Variants in TMX2 observed in about 807,000 individuals in gnomAD.
TMX2 encodes the protein thioredoxin-related transmembrane protein 2.
Under a neutral mutation model 33.4 loss-of-function variants are expected in TMX2, and 20 were observed. The observed-to-expected ratio is 0.60, with a 90% CI of 0.42 to 0.87. The LOEUF is 0.87. Ranked by LOEUF, TMX2 falls within the 40% of genes least tolerant of loss-of-function variation. The pLI, the probability that TMX2 is intolerant of heterozygous loss-of-function variation, is 0.00. For missense variants in TMX2, 340 were observed against 370.7 expected (o/e 0.92, Z 0.68); for synonymous variants, 166 against 140.7 (o/e 1.18, Z -1.27).
intron 1 of TMX2, among the ~76,000 whole-genome samples, chr11:57,728,193 C>T (rs978853932): frequency 2.6e-5 from 4 of 151,504 alleles, no homozygotes; most frequent in Admixed American, 2.0e-4. Flanking sequence ...GACGGAGTCT[C>T]GCTGTGTCGC....
chr11:57,738,501 C>T (rs768663737), intron 4 of TMX2, 71 bp downstream of exon 4: 5 of 1,314,012 alleles, frequency 3.8e-6, no homozygotes, highest in Admixed American at 1.7e-5. Flanking sequence ...TCTCCATTCA[C>T]TAGGAGGAAC....
chr11:57,717,947 G>A (rs1474896275), intron 1 of TMX2: 3 of 692,814 alleles, frequency 4.3e-6, no homozygotes, highest in Non-Finnish European at 7.7e-6. Flanking sequence ...AAGATTCTAG[G>A]ATACTGCGAG....
intron 1 of TMX2, among the ~76,000 whole-genome samples, chr11:57,719,864 C>A (rs1947470820): frequency 6.6e-6 from 1 of 152,028 alleles, no homozygotes; most frequent in Non-Finnish European, 1.5e-5. Flanking sequence ...CTTAAAATCT[C>A]TCCAAATTGG....
intron 1 of TMX2, among the ~76,000 whole-genome samples, chr11:57,717,192 G>A (rs1167459245): frequency 6.6e-6 from 1 of 151,696 alleles, no homozygotes; most frequent in Admixed American, 6.6e-5. Context: ...GATGGCGGCC[G>A]GGCAGAGACG....
chr11:57,727,054 A>G (rs1218180412), intron 1 of TMX2, among the ~76,000 whole-genome samples: 2 of 152,170 alleles, frequency 1.3e-5, no homozygotes, highest in South Asian at 2.1e-4. Flanking sequence ...ATTTGTTATT[A>G]TATTAGCATT....
At chr11:57,714,329 A>G (rs1946834302) in intron 1 of TMX2, among the ~76,000 whole-genome samples, 1 of 152,246 alleles carries the variant, frequency 6.6e-6, no homozygotes, top group South Asian at 2.1e-4. Flanking sequence ...GCCTCTGTAT[A>G]TGATGTAGGC....
intron 1 of TMX2, among the ~76,000 whole-genome samples, chr11:57,723,249 G>A (rs1250858077): frequency 2.6e-5 from 4 of 151,998 alleles, no homozygotes; most frequent in Non-Finnish European, 4.4e-5. Context: ...GGAGGCCAGG[G>A]CGGATGGATC....
In TMX2 at chr11:57,740,356, T is replaced by A; in HGVS notation, c.*111T>A. On this transcript the variant is annotated 3_prime_UTR_variant, in exon 8 of 8. Transcript: ENST00000278422. ...TGTTTTCCCTTTGGCTGTGACTGGG[T>A]GGGGCAGCATGCAGCTTCTGATTTT... The A allele has an allele frequency of 7.8e-7, 1 of 1,277,866 alleles. No homozygotes were observed. The highest frequency in any genetic ancestry group is 1.0e-6 in the Non-Finnish European group (1 of 960,312). The allele number at this position is 1,277,866 out of a possible 1,614,324, so 79.2% of individuals were successfully genotyped here. A position where few individuals can be genotyped will look rare whatever the true frequency, so the allele number is the denominator to read the frequency against.
At chr11:57,738,189 A>G in intron 3 of TMX2, 163 bp downstream of exon 3, 1 of 735,300 alleles carries the variant, frequency 1.4e-6, no homozygotes, top group East Asian at 2.5e-5. Context: ...TCAGATGATA[A>G]CAGTTTACAG....
chr11:57,737,017 A>C (rs956181877), intron 1 of TMX2, among the ~76,000 whole-genome samples: 4 of 152,226 alleles, frequency 2.6e-5, no homozygotes, highest in Non-Finnish European at 5.9e-5. Flanking sequence ...TTACGATTTT[A>C]TACCATATCA....
rs1224964494 is a variant in TMX2, at chr11:57,737,588, A to G, written c.190-20A>G. The G allele has an allele frequency of 6.8e-6, 11 of 1,611,020 alleles. No individual in the cohort carries two copies. Among genetic ancestry groups the G allele is most frequent in the Non-Finnish European group, 9.3e-6 (11 of 1,177,236 alleles). On this transcript the variant is annotated intron_variant, in intron 1 of 7. Transcript: ENST00000278422. ...CTCTAGTCACTGCATTCCTGTTATAATACTTCGATTCTGTTCCAGAGAGAA... is the reference window on the plus strand; with the variant it reads ...CTCTAGTCACTGCATTCCTGTTATAGTACTTCGATTCTGTTCCAGAGAGAA...
intron 1 of TMX2, among the ~76,000 whole-genome samples, chr11:57,735,730 G>C (rs1948712491): frequency 6.6e-6 from 1 of 152,180 alleles, no homozygotes; most frequent in Admixed American, 6.5e-5. Context: ...GCTCAGTTGA[G>C]CTTCATATCT....
At position 57,740,158 on chromosome 11, in the gene TMX2, A is replaced by G; in HGVS notation, c.804A>G (p.Ser268=). 6.2e-7 allele frequency: 1 copy of G among 1,614,018 alleles called. No individual in the cohort carries two copies. Among genetic ancestry groups the G allele is most frequent in the South Asian group, 1.1e-5 (1 of 91,074 alleles). The part of the protein sequence containing the change: ...NELYQRAKKL[S]KAGDNIPEEQ... The stretch of plus-strand genomic sequence containing the variant: ...TATACCAGCGGGCCAAGAAACTATC[A>G]AAGGCTGGAGACAATATCCCTGAGG... The change falls in exon 8 of 8, where the codon TCA becomes TCG. Residue 268 remains serine (S), a synonymous_variant. Coordinates refer to ENST00000278422, the MANE Select transcript of TMX2 (RefSeq NM_015959.4).
At chr11:57,728,809 G>A (rs1467037521) in intron 1 of TMX2, among the ~76,000 whole-genome samples, 1 of 152,170 alleles carries the variant, frequency 6.6e-6, no homozygotes, top group Non-Finnish European at 1.5e-5. Context: ...CTGGGTGACT[G>A]GGGGCTTTGT....
At chr11:57,739,344 C>T (rs1948942746) in intron 7 of TMX2, 84 bp downstream of exon 7, 4 of 1,448,016 alleles carry the variant, frequency 2.8e-6, no homozygotes, top group Non-Finnish European at 3.9e-6. Context: ...ATTCACAGCT[C>T]TGCCACTTGC....
chr11:57,733,614 A>C (rs563288303), intron 1 of TMX2, among the ~76,000 whole-genome samples: 1 of 152,300 alleles, frequency 6.6e-6, no homozygotes, highest in African/African-American at 2.4e-5. Context: ...AAGTTTCTCT[A>C]AGAAAAAAAA....
chr11:57,724,112 C>T (rs1417324915), intron 1 of TMX2, among the ~76,000 whole-genome samples: 2 of 151,792 alleles, frequency 1.3e-5, no homozygotes, highest in Non-Finnish European at 2.9e-5. Context: ...GCTTTAAGGA[C>T]AAAATTCTTA....
rs530529407 is a variant in TMX2, at chr11:57,733,227, C to T, written c.190-4381C>T. Among the ~76,000 whole-genome samples, 13 of 139,408 alleles carry T rather than the reference C, an allele frequency of 9.3e-5. No homozygotes were observed. In the East Asian group the frequency reaches 1.8e-3, roughly 20 times the overall value. 91.5% of individuals were successfully genotyped at this position (139,408 alleles called of 152,430 possible). ...GGTTGTGTTTTTTTTTTTAAGTCCT[C>T]GTGTAAGACACAGTGAGGAATTTTT... On this transcript the variant is annotated intron_variant, in intron 1 of 7. Coordinates refer to ENST00000278422, the MANE Select transcript of TMX2 (RefSeq NM_015959.4).
At chr11:57,730,312 A>G (rs1192687359) in intron 1 of TMX2, among the ~76,000 whole-genome samples, 2 of 147,008 alleles carry the variant, frequency 1.4e-5, no homozygotes, top group Non-Finnish European at 3.0e-5. Context: ...CTATAATCCC[A>G]GGTACTTGGG....
Sources: allele counts gnomAD v4.1 joint callset (sites outside exome capture counted in the v4.1 genomes callset), GRCh38; gene constraint gnomAD v4.1.1; transcripts MANE v1.5; gene names NCBI Gene and HGNC (gene_info 2026-07-23, HGNC 2026-07-21).